The following ABCB1 variants were observed in gnomAD, a reference collection of about 807,000 sequenced individuals.
ABCB1 encodes ATP binding cassette subfamily B member 1.
ABCB1 carries 69 observed loss-of-function variants against 142.0 expected under a neutral mutation model. The ratio of observed to expected loss-of-function variants is 0.49; its 90% confidence interval spans 0.40 to 0.59. The LOEUF is 0.59. Ranked by LOEUF, ABCB1 falls within the 20% of genes least tolerant of loss-of-function variation. ABCB1 has a pLI of 0.00. For synonymous variants in ABCB1, 532 were observed against 539.2 expected (o/e 0.99, Z 0.18); for missense variants, 1,326 against 1,554.7 (o/e 0.85, Z 2.47).
At chr7:87,533,838 T>G in intron 20 of ABCB1, among the ~76,000 whole-genome samples, 1 of 152,208 alleles carries the variant, frequency 6.6e-6, no homozygotes. Flanking sequence ...TTGACAATGT[T>G]TGCCAACCTG....
In ABCB1 at chr7:87,563,784, T is replaced by C. The variant is rs375783855; in HGVS notation, c.702+2286A>G. 7.2e-5 allele frequency among the ~76,000 whole-genome samples: 11 copies of C among 151,794 alleles called. No homozygotes were observed. The East Asian group carries it at 1.7e-3, about 24-fold the overall frequency. On this transcript the variant is annotated intron_variant, in intron 7 of 27. Coordinates refer to ENST00000622132, the MANE Select transcript of ABCB1 (RefSeq NM_001348946.2). ...ACCTAAATGCCCATCAATGATAGACTGGATAAAAAAAAAATGTGGTACATA... is the reference window on the plus strand; with the variant it reads ...ACCTAAATGCCCATCAATGATAGACCGGATAAAAAAAAAATGTGGTACATA...
intron 27 of ABCB1, 130 bp downstream of exon 27, chr7:87,505,767 T>C: frequency 8.7e-7 from 1 of 1,152,164 alleles, no homozygotes; most frequent in Non-Finnish European, 1.3e-6. Context: ...CAGAAAGTGT[T>C]TACATTTTAC....
At chr7:87,550,624 C>T (rs911919995) in intron 10 of ABCB1, 46 bp from the exon 11 acceptor site, 6 of 1,585,564 alleles carry the variant, frequency 3.8e-6, no homozygotes, top group African/African-American at 1.3e-5. Context: ...ACAATAACTA[C>T]TTTTAGTGAT....
intron 1 of ABCB1, among the ~76,000 whole-genome samples, chr7:87,666,805 T>C (rs193014732): frequency 1.8e-3 from 276 of 152,256 alleles, no homozygotes; most frequent in African/African-American, 6.4e-3. Flanking sequence ...CATAGGTGTG[T>C]AGCCTTATTT....
intron 1 of ABCB1, among the ~76,000 whole-genome samples, chr7:87,684,363 A>G (rs1213397861): frequency 6.6e-6 from 1 of 152,214 alleles, no homozygotes; most frequent in Non-Finnish European, 1.5e-5. Flanking sequence ...AAGTAACTGG[A>G]ATAGGCAAAA....
At chr7:87,606,683 C>A (rs916555703) in intron 1 of ABCB1, among the ~76,000 whole-genome samples, 1 of 151,996 alleles carries the variant, frequency 6.6e-6, no homozygotes, top group South Asian at 2.1e-4. Context: ...CTATATCAAG[C>A]AAATTAATTG....
At chr7:87,539,171 A>C in intron 19 of ABCB1, 97 bp downstream of exon 19, 1 of 1,287,150 alleles carries the variant, frequency 7.8e-7, no homozygotes, top group Non-Finnish European at 1.1e-6. Context: ...TATAGGAGCT[A>C]GGCCTGGGAA....
chr7:87,663,944 T>G (rs1295876957), intron 1 of ABCB1, among the ~76,000 whole-genome samples: 1 of 152,160 alleles, frequency 6.6e-6, no homozygotes, highest in Non-Finnish European at 1.5e-5. Context: ...GGCCCCACCC[T>G]TATACCTCAT....
intron 1 of ABCB1, among the ~76,000 whole-genome samples, chr7:87,630,927 TCA>T (rs1482609466): frequency 6.6e-6 from 1 of 152,180 alleles, no homozygotes; most frequent in Non-Finnish European, 1.5e-5. Flanking sequence ...TTTAGGAACG[TCA>T]CACTGATTTC....
At chr7:87,707,494 C>T (rs1158118503) in intron 1 of ABCB1, among the ~76,000 whole-genome samples, 2 of 151,700 alleles carry the variant, frequency 1.3e-5, no homozygotes, top group Non-Finnish European at 2.9e-5. Flanking sequence ...GGCAACATGG[C>T]GAAACCCAGT....
chr7:87,648,899 A>G (rs1823292879), intron 1 of ABCB1, among the ~76,000 whole-genome samples: 1 of 151,980 alleles, frequency 6.6e-6, no homozygotes, highest in Non-Finnish European at 1.5e-5. Context: ...TCAATTTCTA[A>G]TATGGTGAAT....
In ABCB1 at chr7:87,656,614, G is replaced by A. The variant is rs77233919; in HGVS notation, c.-330-55536C>T. Among the ~76,000 whole-genome samples, 531 of 152,068 alleles carry A rather than the reference G, an allele frequency of 3.5e-3. 6 individuals are homozygous for A. In the East Asian group the frequency reaches 0.05, roughly 14 times the overall value. On this transcript the variant is annotated intron_variant, in intron 1 of 28. Transcript: ENST00000265724. ...AAAATAGAATAAAGAAGAGAAAGAC[G>A]TTAGAGGATACTCATTTTCCAAAAC... is the stretch of plus-strand genomic sequence containing the variant.
chr7:87,511,700 G>C (rs1250932869), intron 25 of ABCB1, among the ~76,000 whole-genome samples: 2 of 152,198 alleles, frequency 1.3e-5, no homozygotes, highest in African/African-American at 4.8e-5. Context: ...ACCAAGACTG[G>C]ATCTAAACAC....
intron 2 of ABCB1, among the ~76,000 whole-genome samples, chr7:87,596,119 AAT>A (rs1277732014): frequency 6.6e-6 from 1 of 152,070 alleles, no homozygotes. Flanking sequence ...CACCCTTTGC[AAT>A]TAGAAAAATA....
chr7:87,705,975 T>C (rs1345534137), intron 1 of ABCB1, among the ~76,000 whole-genome samples: 2 of 152,344 alleles, frequency 1.3e-5, no homozygotes, highest in East Asian at 3.9e-4. Context: ...TCCTGAGTTC[T>C]TCCTGTCTTC....
Position 87,539,313 on chromosome 7 carries a change from GA to G in ABCB1, c.2351del (p.Leu784ProfsTer18). On this transcript the variant is annotated frameshift_variant, in exon 19 of 28. Transcript: ENST00000622132. LOFTEE classifies it high-confidence loss of function. ...GFTFGKAGEI[L>X]TKRLRYMVFR... is the part of the protein sequence containing the mutation. ...AAACCATGTATCGGAGCCGCTTGGT[GA>G]GGATCTCTCCAGCTTTGCCAAATGT... The G allele has an allele frequency of 6.2e-7, 1 of 1,614,190 alleles. No homozygotes were observed. The highest frequency in any genetic ancestry group is 8.5e-7 in the Non-Finnish European group (1 of 1,180,000).
chr7:87,604,879 G>A (rs1435673384), upstream of ABCB1, among the ~76,000 whole-genome samples: 1 of 152,036 alleles, frequency 6.6e-6, no homozygotes, highest in Non-Finnish European at 1.5e-5. Context: ...CTACCACTCC[G>A]CAATCCTACT....
intron 1 of ABCB1, among the ~76,000 whole-genome samples, chr7:87,685,427 G>A (rs1363182915): frequency 5.9e-5 from 9 of 152,054 alleles, no homozygotes; most frequent in Admixed American, 5.2e-4. Flanking sequence ...GTCAAAAACT[G>A]GAAACAACCC....
chr7:87,610,238 T>C lies in ABCB1; in HGVS notation c.-330-9160A>G, dbSNP rs541476301. Among the ~76,000 whole-genome samples, 77 of 142,924 alleles carry C rather than the reference T, an allele frequency of 5.4e-4. No homozygotes were observed. In the East Asian group the frequency reaches 9.4e-3, roughly 17 times the overall value. The allele number at this position is 142,924 out of a possible 152,430, so 93.8% of individuals were successfully genotyped here. A position where few individuals can be genotyped will look rare whatever the true frequency, so the allele number is the denominator to read the frequency against. ...ACGAACTAGCTTTTTCTTTCTTTTT[T>C]TTTTTTTTTTTTTTTCTCAGCCAGG... On this transcript the variant is annotated intron_variant, in intron 1 of 28. Transcript: ENST00000265724.
Sources: gnomAD v4.1 joint callset for allele counts (sites outside exome capture counted in the v4.1 genomes callset) on GRCh38, gnomAD v4.1.1 for gene constraint, MANE v1.5 for transcripts, NCBI Gene and HGNC (gene_info 2026-07-23, HGNC 2026-07-21) for gene names.